The following GNPTG variants were observed in gnomAD, a reference collection of about 807,000 sequenced individuals.
GNPTG encodes the protein N-acetylglucosamine-1-phosphotransferase subunit gamma.
A neutral mutation model predicts 43.8 loss-of-function variants in GNPTG; 46 were observed. That is an observed-to-expected ratio of 1.05 (90% CI 0.83 to 1.34). GNPTG has a LOEUF of 1.34. Among genes scored for constraint, GNPTG ranks in the 40% most tolerant of loss-of-function variants. GNPTG has a pLI of 0.00. For missense variants in GNPTG, 549 were observed against 411.3 expected (o/e 1.33, Z -2.90); for synonymous variants, 250 against 172.8 (o/e 1.45, Z -3.50).
intron 3 of GNPTG, among the ~76,000 whole-genome samples, chr16:1,356,404 G>A (rs1027966296): frequency 4.6e-5 from 7 of 152,170 alleles, no homozygotes; most frequent in African/African-American, 1.2e-4. Context: ...AGAGACTCCC[G>A]CTCAGGTATG....
rs1334818548 is a variant in GNPTG, at chr16:1,362,022, G to C, written c.318-16G>C. ...CTCCCCACCCGGCCTCACGTGCCGTGCCCGTGTCTCCCCAGCATCTGGCAC... is the reference window on the plus strand; with the variant it reads ...CTCCCCACCCGGCCTCACGTGCCGTCCCCGTGTCTCCCCAGCATCTGGCAC... On this transcript the variant is annotated splice_polypyrimidine_tract_variant and intron_variant, in intron 5 of 10. Transcript: ENST00000204679. The C allele has an allele frequency of 6.2e-7, 1 of 1,612,702 alleles. No homozygotes were observed. The highest frequency in any genetic ancestry group is 8.5e-7 in the Non-Finnish European group (1 of 1,179,768).
intron 3 of GNPTG, 40 bp downstream of exon 3, chr16:1,352,346 CGG>C: frequency 6.5e-7 from 1 of 1,539,452 alleles, no homozygotes; most frequent in Non-Finnish European, 8.8e-7. Context: ...GGGGTGGCCG[CGG>C]GGAGCAGCAA....
chr16:1,361,754 C>G lies in GNPTG; in HGVS notation c.190C>G (p.Leu64Val). 1 of 1,614,202 alleles carries G rather than the reference C, an allele frequency of 6.2e-7. No individual in the cohort carries two copies. Among genetic ancestry groups the G allele is most frequent in the Non-Finnish European group, 8.5e-7 (1 of 1,180,042 alleles). Reference sequence around the variant, plus strand: ...GAGGTCTCTTCCAGGACCCGTGCATCTCTTCCGACTCTCGGGCAAGTGCTT... The same window carrying G: ...GAGGTCTCTTCCAGGACCCGTGCATGTCTTCCGACTCTCGGGCAAGTGCTT... The part of the protein sequence containing the change: ...DPSPVSGPVH[L>V]FRLSGKCFSL... Residue 64 changes from leucine to valine, a missense_variant, in exon 4 of 11, where the codon CTC (leucine) becomes GTC (valine). Leu to Val is a conservative substitution (Grantham distance 32, BLOSUM62 1). Coordinates refer to ENST00000204679, the MANE Select transcript of GNPTG (RefSeq NM_032520.5).
intron 3 of GNPTG, among the ~76,000 whole-genome samples, chr16:1,357,530 C>G (rs577239208): frequency 6.7e-6 from 1 of 149,988 alleles, no homozygotes; most frequent in African/African-American, 2.5e-5. Flanking sequence ...GTCGCTGTGT[C>G]GCCCAGGCTG....
chr16:1,362,869 G>C lies in GNPTG; in HGVS notation c.786G>C (p.Leu262Phe), dbSNP rs754237014. Reference protein sequence around the residue: ...LSKEIKRLKGLLTQHGIPYTR... With the variant: ...LSKEIKRLKGFLTQHGIPYTR... ...AGGAGATCAAAAGGCTGAAAGGTTTGCTCACCCAGCACGGCATCCCCTACA... is the reference window on the plus strand; with the variant it reads ...AGGAGATCAAAAGGCTGAAAGGTTTCCTCACCCAGCACGGCATCCCCTACA... Residue 262 changes from leucine to phenylalanine, a missense_variant, in exon 10 of 11, where the codon TTG (leucine) becomes TTC (phenylalanine). Leu to Phe is a conservative substitution (Grantham distance 22). Coordinates refer to ENST00000204679, the MANE Select transcript of GNPTG (RefSeq NM_032520.5). 1.9e-6 allele frequency: 3 copies of C among 1,613,802 alleles called. No homozygotes were observed. The highest frequency in any genetic ancestry group is 1.7e-5 in the Admixed American group (1 of 59,988).
At position 1,362,985 on chromosome 16, in the gene GNPTG, G is replaced by C. The variant is rs753081298; in HGVS notation, c.824-12G>C. On this transcript the variant is annotated splice_polypyrimidine_tract_variant and intron_variant, in intron 10 of 10. Coordinates refer to ENST00000204679, the MANE Select transcript of GNPTG (RefSeq NM_032520.5). ...GGTCCAGGTGAGGACTGGCCACCTG[G>C]TGTTTTGGCAGAAACTTCCAACTTG... 27 of 1,614,126 alleles carry C rather than the reference G, an allele frequency of 1.7e-5. No homozygotes were observed. In the East Asian group the frequency reaches 6.0e-4, roughly 36 times the overall value.
In GNPTG at chr16:1,363,245, T is replaced by C; in HGVS notation, c.*154T>C. ...TAATTAATTCCCATACTGATAAAAA[T>C]AACTCCATGAATTCTGTAAACCATT... is the stretch of plus-strand genomic sequence containing the variant. On this transcript the variant is annotated 3_prime_UTR_variant, in exon 11 of 11. Coordinates refer to ENST00000204679, the MANE Select transcript of GNPTG (RefSeq NM_032520.5). The C allele has an allele frequency of 1.4e-6, 1 of 703,342 alleles. No individual in the cohort carries two copies. Among genetic ancestry groups the C allele is most frequent in the South Asian group, 1.6e-5 (1 of 64,402 alleles). 43.6% of individuals were successfully genotyped at this position (703,342 alleles called of 1,614,324 possible).
At chr16:1,359,299 C>T (rs2034830846) in intron 3 of GNPTG, among the ~76,000 whole-genome samples, 1 of 151,944 alleles carries the variant, frequency 6.6e-6, no homozygotes, top group Admixed American at 6.6e-5. Flanking sequence ...TAGAGTCTAA[C>T]TCTGTAGCCC....
chr16:1,357,423 G>A (rs2034797300), intron 3 of GNPTG, among the ~76,000 whole-genome samples: 1 of 152,160 alleles, frequency 6.6e-6, no homozygotes, highest in Admixed American at 6.5e-5. Context: ...GTGGCATCTG[G>A]CTCCTGGGCT....
At chr16:1,361,590 G>C in intron 3 of GNPTG, 153 bp from the exon 4 acceptor site, 2 of 770,102 alleles carry the variant, frequency 2.6e-6, no homozygotes, top group East Asian at 5.5e-5. Context: ...CTTGAAGTGA[G>C]CCAAGATCAT....
Position 1,361,893 on chromosome 16 carries a change from G to T in GNPTG, c.255G>T (p.Pro85=). Residue 85 remains proline (P), a synonymous_variant, in exon 5 of 11, where the codon CCG becomes CCT. Transcript: ENST00000204679. ...CCAGGTACAAGTATGAGTTCTGCCCGTTCCACAACGTGACCCAGCACGAGC... is the reference window on the plus strand; with the variant it reads ...CCAGGTACAAGTATGAGTTCTGCCCTTTCCACAACGTGACCCAGCACGAGC... The part of the protein sequence containing the change: ...VESTYKYEFC[P]FHNVTQHEQT... 5 of 1,613,810 alleles carry T rather than the reference G, an allele frequency of 3.1e-6. No homozygotes were observed. Among genetic ancestry groups the T allele is most frequent in the East Asian group, 2.2e-5 (1 of 44,882 alleles).
chr16:1,362,941 A>C, intron 10 of GNPTG, 35 bp downstream of exon 10: 3 of 1,613,694 alleles, frequency 1.9e-6, no homozygotes, highest in South Asian at 1.1e-5. Flanking sequence ...CAGGCTCACC[A>C]TCACACTCGC....
intron 3 of GNPTG, among the ~76,000 whole-genome samples, chr16:1,356,380 T>C (rs2034776414): frequency 6.6e-6 from 1 of 150,778 alleles, no homozygotes; most frequent in African/African-American, 2.4e-5. Context: ...TTGGGGGTGG[T>C]GGTATTTGGG....
chr16:1,361,903 G>A lies in GNPTG; in HGVS notation c.265G>A (p.Val89Met), dbSNP rs764395288. Residue 89 changes from valine (V) to methionine (M), a missense_variant, in exon 5 of 11, where the codon GTG becomes ATG. Physicochemically the swap from Val to Met is conservative, Grantham distance 21. Coordinates refer to ENST00000204679, the MANE Select transcript of GNPTG (RefSeq NM_032520.5). ...YKYEFCPFHN[V>M]TQHEQTFRWN... ...GTATGAGTTCTGCCCGTTCCACAACGTGACCCAGCACGAGCAGACCTTCCG... is the reference window on the plus strand; with the variant it reads ...GTATGAGTTCTGCCCGTTCCACAACATGACCCAGCACGAGCAGACCTTCCG... 27 of 1,613,696 alleles carry A rather than the reference G, an allele frequency of 1.7e-5. No individual in the cohort carries two copies. The highest frequency in any genetic ancestry group is 4.4e-5 in the South Asian group (4 of 91,092).
intron 10 of GNPTG, 44 bp from the exon 11 acceptor site, chr16:1,362,953 A>G (rs1343535465): frequency 2.5e-6 from 4 of 1,613,828 alleles, no homozygotes; most frequent in Non-Finnish European, 3.4e-6. Context: ...CACACTCGCC[A>G]CCTGTGGGTC....
In GNPTG at chr16:1,354,585, C is replaced by CAAAAAAAAAAAAAAAA. The variant is rs869067502; in HGVS notation, c.178+2288_178+2303dup. Among the ~76,000 whole-genome samples, 226 of 44,312 alleles carry CAAAAAAAAAAAAAAAA rather than the reference C, an allele frequency of 5.1e-3. 8 individuals are homozygous for CAAAAAAAAAAAAAAAA. The highest frequency in any genetic ancestry group is 0.032 in the East Asian group (20 of 620). 29.1% of individuals were successfully genotyped at this position (44,312 alleles called of 152,430 possible). A position where few individuals can be genotyped will look rare whatever the true frequency, so the allele number is the denominator to read the frequency against. ...TGGGTGACAGAGCAAGACTTCGTCT[C>CAAAAAAAAAAAAAAAA]AAAAAAAAAAAAAAAAAAAAAAAAC... On this transcript the variant is annotated intron_variant, in intron 3 of 10. Transcript: ENST00000204679.
At chr16:1,358,492 C>G (rs945084873) in intron 3 of GNPTG, 1 of 152,128 alleles carries the variant, frequency 6.6e-6, no homozygotes, top group Non-Finnish European at 1.5e-5. Context: ...GGACAGACCA[C>G]GTTGTTGTTT....
In GNPTG at chr16:1,362,331, G is replaced by T; in HGVS notation, c.526+11G>T. The T allele has an allele frequency of 6.2e-7, 1 of 1,611,974 alleles. No homozygotes were observed. The highest frequency in any genetic ancestry group is 8.5e-7 in the Non-Finnish European group (1 of 1,179,184). ...CCCACGCCTTGCTAGGTAGGGGTGC[G>T]GGACGCAGTTGAGCCCAGTGGGGTC... On this transcript the variant is annotated intron_variant, in intron 7 of 10. Coordinates refer to ENST00000204679, the MANE Select transcript of GNPTG (RefSeq NM_032520.5).
At position 1,352,258 on chromosome 16, in the gene GNPTG, C is replaced by G. The variant is rs771564346; in HGVS notation, c.130C>G (p.Pro44Ala). The change falls in exon 3 of 11, where the codon CCT (proline) becomes GCT (alanine). Residue 44 changes from proline (P) to alanine (A), a missense_variant. Physicochemically the swap from Pro to Ala is conservative, Grantham distance 27 (BLOSUM62 -1). Transcript: ENST00000204679. ...NAFGVNNPFLPQASRLQAKRD... is the reference protein window; with the variant it reads ...NAFGVNNPFLAQASRLQAKRD... ...CCGTAGGGTGAACAACCCGTTCTTGCCTCAGGCCAGTCGCCTCCAGGCCAA... is the reference window on the plus strand; with the variant it reads ...CCGTAGGGTGAACAACCCGTTCTTGGCTCAGGCCAGTCGCCTCCAGGCCAA... 42 of 1,548,510 alleles carry G rather than the reference C, an allele frequency of 2.7e-5. No individual in the cohort carries two copies. The highest frequency in any genetic ancestry group is 1.8e-4 in the African/African-American group (13 of 72,994).
Sources: gnomAD v4.1 joint callset for allele counts (sites outside exome capture counted in the v4.1 genomes callset) on GRCh38, gnomAD v4.1.1 for gene constraint, MANE v1.5 for transcripts, NCBI Gene and HGNC (gene_info 2026-07-23, HGNC 2026-07-21) for gene names.